PDZRN3: variants seen among roughly 807,000 people sequenced by gnomAD.
PDZRN3 encodes the protein PDZ domain containing ring finger 3.
In PDZRN3, 38 loss-of-function variants were observed where a neutral mutation model predicts 85.7. That is an observed-to-expected ratio of 0.44 (90% confidence interval 0.34 to 0.58). The LOEUF (loss-of-function observed/expected upper bound fraction) is 0.58, where lower values mean the gene tolerates loss of function less well. Ranked by LOEUF, PDZRN3 falls within the 20% of genes least tolerant of loss-of-function variation. PDZRN3 has a pLI of 0.01. For missense variants in PDZRN3, 1,629 were observed against 1,506.4 expected, an observed-to-expected ratio of 1.08 and a Z score of -1.35; for synonymous variants, 759 against 638.0, an observed-to-expected ratio of 1.19 and a Z score of -2.86.
rs374963449 is a variant in PDZRN3, at chr3:73,384,688, A to C, written c.1878T>G (p.Ile626Met). The C allele has an allele frequency of 2.6e-5, 42 of 1,613,870 alleles. No individual in the cohort carries two copies. In the East Asian group the frequency reaches 3.6e-4, roughly 14 times the overall value. ...GDLPFSNESF[I>M]SADCTDADYL... ...AGTCGGCGTCCGTGCAGTCGGCCGA[A>C]ATGAAAGACTCGTTGCTGAAGGGCA... The change falls in exon 10 of 10, where the codon ATT (isoleucine) becomes ATG (methionine). Residue 626 changes from isoleucine (I) to methionine (M), a missense_variant. Physicochemically the swap from Ile to Met is conservative, Grantham distance 10. Coordinates refer to ENST00000263666, the MANE Select transcript of PDZRN3 (RefSeq NM_015009.3).
chr3:73,395,064 A>G (rs1326722238), intron 5 of PDZRN3, among the ~76,000 whole-genome samples: 51 of 152,246 alleles, frequency 3.3e-4, no homozygotes, highest in Admixed American at 3.3e-3. Context: ...AGGATGATCC[A>G]AATGAAAAAC....
At chr3:73,622,111 C>A (rs141211087) in intron 1 of PDZRN3, among the ~76,000 whole-genome samples, 1 of 152,212 alleles carries the variant, frequency 6.6e-6, no homozygotes, top group Non-Finnish European at 1.5e-5. Context: ...CTAAATCTGG[C>A]GCCTGATTGA....
At position 73,482,138 on chromosome 3, in the gene PDZRN3, C is replaced by T. The variant is rs977824619; in HGVS notation, c.919-77743G>A. ...GAATGTGATGATTAGTTATGTCTGA[C>T]GCAGGTATGAGATAGAAGCAGGGAA... On this transcript the variant is annotated intron_variant, in intron 3 of 9. Transcript: ENST00000263666. Among the ~76,000 whole-genome samples the T allele has an allele frequency of 7.2e-5, 11 of 152,300 alleles. No homozygotes were observed. The East Asian group carries it at 1.7e-3, about 24-fold the overall frequency.
At chr3:73,483,925 A>G (rs1386718525) in intron 3 of PDZRN3, among the ~76,000 whole-genome samples, 1 of 152,172 alleles carries the variant, frequency 6.6e-6, no homozygotes. Flanking sequence ...TCAGAACTTT[A>G]CCCATTAGGA....
At chr3:73,602,943 T>C (rs1702537390) in intron 2 of PDZRN3, among the ~76,000 whole-genome samples, 1 of 152,208 alleles carries the variant, frequency 6.6e-6, no homozygotes, top group South Asian at 2.1e-4. Flanking sequence ...ATAAACACTG[T>C]TTTCATTTGC....
chr3:73,416,809 T>C (rs542622910), intron 3 of PDZRN3, among the ~76,000 whole-genome samples: 2 of 151,638 alleles, frequency 1.3e-5, no homozygotes, highest in South Asian at 4.2e-4. Flanking sequence ...TTTAGAACCA[T>C]ATTAAAAAAT....
rs1227528788 is a variant in PDZRN3, at chr3:73,384,226, C to T, written c.2340G>A (p.Arg780=). The change falls in exon 10 of 10, where the codon AGG becomes AGA. Residue 780 remains arginine, a synonymous_variant. Transcript: ENST00000263666. ...TLEISPDNSL[R]RAAEGISCPS... Reference sequence around the variant, plus strand: ...GGCAGCTGATGCCCTCCGCCGCTCTCCTCAAGGAGTTGTCGGGGGAGATCT... The same window carrying T: ...GGCAGCTGATGCCCTCCGCCGCTCTTCTCAAGGAGTTGTCGGGGGAGATCT... 4 of 1,613,752 alleles carry T rather than the reference C, an allele frequency of 2.5e-6. No homozygotes were observed. The highest frequency in any genetic ancestry group is 2.5e-6 in the Non-Finnish European group (3 of 1,179,972).
intron 8 of PDZRN3, 56 bp from the exon 9 acceptor site, chr3:73,385,841 T>G: frequency 1.9e-6 from 2 of 1,047,752 alleles, no homozygotes; most frequent in Non-Finnish European, 3.0e-6. Flanking sequence ...TGTTCATTTA[T>G]GTTTTTTTAA....
intron 3 of PDZRN3, among the ~76,000 whole-genome samples, chr3:73,550,847 T>A (rs1335762746): frequency 6.6e-6 from 1 of 152,198 alleles, no homozygotes; most frequent in African/African-American, 2.4e-5. Flanking sequence ...ATCAGCAGAT[T>A]TGTTGGAACA....
At chr3:73,541,808 T>C (rs1704927912) in intron 3 of PDZRN3, among the ~76,000 whole-genome samples, 1 of 152,226 alleles carries the variant, frequency 6.6e-6, no homozygotes, top group Non-Finnish European at 1.5e-5. Context: ...GCTCAATGTA[T>C]TGCACAGGTC....
intron 3 of PDZRN3, among the ~76,000 whole-genome samples, chr3:73,423,216 A>G (rs1427790932): frequency 6.6e-6 from 1 of 152,244 alleles, no homozygotes; most frequent in Non-Finnish European, 1.5e-5. Context: ...CCCAAAATAG[A>G]AAACAGCTGC....
At chr3:73,551,180 G>A (rs1701542434) in intron 3 of PDZRN3, among the ~76,000 whole-genome samples, 1 of 152,166 alleles carries the variant, frequency 6.6e-6, no homozygotes, top group African/African-American at 2.4e-5. Context: ...CACTCCTGTT[G>A]TGGCTTATTA....
At chr3:73,574,460 G>GGC (rs1553704241) in intron 3 of PDZRN3, among the ~76,000 whole-genome samples, 4 of 140,506 alleles carry the variant, frequency 2.8e-5, no homozygotes, top group Middle Eastern at 3.3e-3. Flanking sequence ...GCTGGGGTGG[G>GGC]GGGGGTGGGG....
At chr3:73,510,774 T>C (rs1704149351) in intron 3 of PDZRN3, among the ~76,000 whole-genome samples, 1 of 152,154 alleles carries the variant, frequency 6.6e-6, no homozygotes, top group African/African-American at 2.4e-5. Flanking sequence ...TATACATAAA[T>C]ACATATGATA....
intron 3 of PDZRN3, among the ~76,000 whole-genome samples, chr3:73,492,655 T>C (rs186384691): frequency 1.3e-5 from 2 of 152,264 alleles, no homozygotes; most frequent in Admixed American, 1.3e-4. Context: ...ACTGAGGCCC[T>C]GCTGCTAAGC....
At chr3:73,475,292 C>T (rs906136629) in intron 3 of PDZRN3, among the ~76,000 whole-genome samples, 11 of 152,152 alleles carry the variant, frequency 7.2e-5, no homozygotes, top group South Asian at 4.2e-4. Context: ...CAGATATTTA[C>T]GGCAAATACA....
intron 3 of PDZRN3, among the ~76,000 whole-genome samples, chr3:73,473,054 A>G (rs1481639477): frequency 6.6e-6 from 1 of 152,206 alleles, no homozygotes; most frequent in African/African-American, 2.4e-5. Context: ...CCTGAGCCTT[A>G]TCACTGAAGA....
intron 3 of PDZRN3, among the ~76,000 whole-genome samples, chr3:73,486,561 GA>G (rs1703665735): frequency 6.6e-6 from 1 of 152,272 alleles, no homozygotes; most frequent in Non-Finnish European, 1.5e-5. Context: ...ATGGACGTAA[GA>G]CAACGTGAAT....
chr3:73,417,523 C>T (rs569817934), intron 3 of PDZRN3, among the ~76,000 whole-genome samples: 2 of 152,294 alleles, frequency 1.3e-5, no homozygotes, highest in African/African-American at 4.8e-5. Context: ...TATGTTTGTC[C>T]TAAACTTTGT....
Sources: allele counts gnomAD v4.1 joint callset (sites outside exome capture counted in the v4.1 genomes callset), GRCh38; gene constraint gnomAD v4.1.1; transcripts MANE v1.5; gene names NCBI Gene and HGNC (gene_info 2026-07-23, HGNC 2026-07-21).